ZNF277: variants seen among roughly 807,000 people sequenced by gnomAD.
The protein encoded by ZNF277 is nuclear receptor-interacting factor 4.
Under a neutral mutation model 60.7 loss-of-function variants are expected in ZNF277, and 55 were observed. The observed-to-expected ratio is 0.91, with a 90% CI of 0.73 to 1.13. The LOEUF (loss-of-function observed/expected upper bound fraction) is 1.13, where lower values mean the gene tolerates loss of function less well. ZNF277 is among the 50% of genes most tolerant of loss of function. The pLI is 0.00. For synonymous variants in ZNF277, 178 were observed against 179.3 expected (o/e 0.99, Z 0.06); for missense variants, 510 against 523.0 (o/e 0.98, Z 0.24).
intron 2 of ZNF277, chr7:112,288,951 TAAAAAAAAAAAAA>T (rs759044500): frequency 1.4e-4 from 10 of 70,388 alleles, no homozygotes; most frequent in African/African-American, 6.7e-4. Context: ...CTGCCTTTCT[TAAAAAAAAAAAAA>T]AAAAAAAAAA....
intron 1 of ZNF277, among the ~76,000 whole-genome samples, chr7:112,251,881 A>T (rs1791206319): frequency 6.6e-6 from 1 of 152,228 alleles, no homozygotes; most frequent in South Asian, 2.1e-4. Flanking sequence ...TCTCTCAGTA[A>T]TATCTCTCAT....
chr7:112,323,425 A>G (rs1416804276), intron 5 of ZNF277, among the ~76,000 whole-genome samples: 1 of 152,204 alleles, frequency 6.6e-6, no homozygotes, highest in Non-Finnish European at 1.5e-5. Flanking sequence ...AATCATGTCA[A>G]ATAAAGACAA....
rs751000472 is a variant in ZNF277, at chr7:112,336,161, C to T, written c.859C>T (p.His287Tyr). 1.9e-6 allele frequency: 3 copies of T among 1,609,974 alleles called. No homozygotes were observed. In the East Asian group the frequency reaches 6.7e-5, roughly 36 times the overall value. Residue 287 changes from histidine (H) to tyrosine (Y), a missense_variant, in exon 8 of 12, where the codon CAT becomes TAT. Transcript: ENST00000361822. ...GGAAGATGATCGGGAGTTGCTGGAC[C>T]ATCAGGAAGAGTAAGAGTTGTTATT... ...QLEDDRELLDHQEDDWSDWEE... is the reference protein window; with the variant it reads ...QLEDDRELLDYQEDDWSDWEE...
intron 1 of ZNF277, among the ~76,000 whole-genome samples, chr7:112,273,272 A>T (rs1791719970): frequency 6.6e-6 from 1 of 152,094 alleles, no homozygotes; most frequent in South Asian, 2.1e-4. Context: ...GATGGTCTAA[A>T]TGCTCTCTCC....
intron 1 of ZNF277, among the ~76,000 whole-genome samples, chr7:112,232,042 C>CATATATATACATATAT (rs1554484776): frequency 7.5e-6 from 1 of 133,286 alleles, no homozygotes; most frequent in African/African-American, 3.2e-5. Flanking sequence ...TAAATAAATA[C>CATATATATACATATAT]ATATATATAT....
intron 1 of ZNF277, among the ~76,000 whole-genome samples, chr7:112,280,953 G>A (rs1349642278): frequency 6.6e-6 from 1 of 152,130 alleles, no homozygotes; most frequent in Admixed American, 6.6e-5. Flanking sequence ...CATGGAGTAA[G>A]ATATAAATGT....
chr7:112,221,602 G>C (rs1822033419), intron 1 of ZNF277, among the ~76,000 whole-genome samples: 1 of 152,146 alleles, frequency 6.6e-6, no homozygotes, highest in Non-Finnish European at 1.5e-5. Flanking sequence ...TTGTTTTCCT[G>C]CAACTAGACA....
At chr7:112,285,249 C>G (rs1289954486) in intron 1 of ZNF277, among the ~76,000 whole-genome samples, 1 of 151,744 alleles carries the variant, frequency 6.6e-6, no homozygotes, top group Non-Finnish European at 1.5e-5. Flanking sequence ...CCAGGATGGT[C>G]TTGATCTCTT....
chr7:112,236,555 A>C (rs1259547085), intron 1 of ZNF277, among the ~76,000 whole-genome samples: 1 of 152,060 alleles, frequency 6.6e-6, no homozygotes, highest in Admixed American at 6.5e-5. Context: ...AAATGTCCTC[A>C]TTAGTTAGTA....
At chr7:112,333,347 G>A (rs1421967762) in intron 7 of ZNF277, among the ~76,000 whole-genome samples, 1 of 152,116 alleles carries the variant, frequency 6.6e-6, no homozygotes, top group Non-Finnish European at 1.5e-5. Context: ...AAAAAATATT[G>A]TAGATAGAAA....
intron 8 of ZNF277, among the ~76,000 whole-genome samples, chr7:112,337,356 G>A (rs898754780): frequency 2.6e-5 from 4 of 152,178 alleles, no homozygotes; most frequent in Non-Finnish European, 4.4e-5. Flanking sequence ...ACCTCACAGC[G>A]TGTGCACTCA....
At chr7:112,251,875 T>C (rs1452817000) in intron 1 of ZNF277, among the ~76,000 whole-genome samples, 4 of 152,236 alleles carry the variant, frequency 2.6e-5, no homozygotes, top group Non-Finnish European at 5.9e-5. Flanking sequence ...ACTGCCTCTC[T>C]CAGTAATATC....
chr7:112,220,249 G>A (rs1222598833), intron 1 of ZNF277, among the ~76,000 whole-genome samples: 1 of 150,464 alleles, frequency 6.6e-6, no homozygotes, highest in Admixed American at 6.6e-5. Context: ...AGTTTTCCCT[G>A]TACAGATCTT....
chr7:112,270,326 C>T (rs1395793105), intron 1 of ZNF277, among the ~76,000 whole-genome samples: 2 of 151,990 alleles, frequency 1.3e-5, no homozygotes, highest in Admixed American at 1.3e-4. Flanking sequence ...TTTTTAAAAC[C>T]CAGGAAGAAA....
At chr7:112,225,172 C>G (rs1277540822) in intron 1 of ZNF277, among the ~76,000 whole-genome samples, 1 of 152,080 alleles carries the variant, frequency 6.6e-6, no homozygotes, top group East Asian at 1.9e-4. Flanking sequence ...AGAGATGAGG[C>G]CAAGAAAACT....
At chr7:112,208,924 C>T (rs1323634008) in intron 1 of ZNF277, among the ~76,000 whole-genome samples, 2 of 152,198 alleles carry the variant, frequency 1.3e-5, no homozygotes, top group Middle Eastern at 6.8e-3. Context: ...CGTGATCCGC[C>T]CGTCTCGGCC....
intron 5 of ZNF277, among the ~76,000 whole-genome samples, chr7:112,320,230 A>G (rs796068359): frequency 5.3e-5 from 8 of 152,280 alleles, no homozygotes; most frequent in African/African-American, 1.7e-4. Flanking sequence ...AGTCTAACTT[A>G]TCTGCATTCT....
At chr7:112,210,473 TTTTTG>T (rs1563191631) in intron 1 of ZNF277, among the ~76,000 whole-genome samples, 1 of 151,104 alleles carries the variant, frequency 6.6e-6, no homozygotes, top group East Asian at 1.9e-4. Context: ...TTGTTTTTTT[TTTTTG>T]TTTTTTTTTT....
At chr7:112,229,826 C>A (rs987792729) in intron 1 of ZNF277, among the ~76,000 whole-genome samples, 3 of 152,184 alleles carry the variant, frequency 2.0e-5, no homozygotes, top group African/African-American at 7.2e-5. Context: ...ATTAACCTGT[C>A]TAGGCAGTTA....
Sources: allele counts gnomAD v4.1 joint callset (sites outside exome capture counted in the v4.1 genomes callset), GRCh38; gene constraint gnomAD v4.1.1; transcripts MANE v1.5; gene names NCBI Gene and HGNC (gene_info 2026-07-23, HGNC 2026-07-21).